EMP2: variants seen among roughly 807,000 people sequenced by gnomAD.
EMP2 encodes the protein epithelial membrane protein 2.
EMP2 carries 19 observed loss-of-function variants against 13.7 expected under a neutral mutation model. The observed-to-expected ratio is 1.38, with a 90% CI of 0.97 to 2.03. The LOEUF (loss-of-function observed/expected upper bound fraction) is 2.03, where lower values mean the gene tolerates loss of function less well. Ranked by LOEUF, EMP2 falls within the 30% of genes most tolerant of loss-of-function variation. The pLI is 0.00. For synonymous variants in EMP2, 97 were observed against 84.7 expected, an observed-to-expected ratio of 1.15 and a Z score of -0.80; for missense variants, 253 against 220.7, an observed-to-expected ratio of 1.15 and a Z score of -0.93.
In EMP2 at chr16:10,543,245, G is replaced by T. The variant is rs549514408; in HGVS notation, c.169+325C>A. ...GGCAAGGCTTGGATAAAAAAAGAAG[G>T]GAAGAGAAAATTCTAGATGAGAGCT... On this transcript the variant is annotated intron_variant, in intron 3 of 4. Transcript: ENST00000359543. Among the ~76,000 whole-genome samples, 42 of 152,338 alleles carry T rather than the reference G, an allele frequency of 2.8e-4. No individual in the cohort carries two copies. In the South Asian group the frequency reaches 3.5e-3, roughly 13 times the overall value.
chr16:10,580,411 C>T lies in EMP2; in HGVS notation c.-61+138G>A, dbSNP rs1596385894. The T allele has an allele frequency of 6.6e-6, 1 of 152,274 alleles. No homozygotes were observed. The highest frequency in any genetic ancestry group is 2.4e-5 in the African/African-American group (1 of 41,470). 9.4% of individuals were successfully genotyped at this position (152,274 alleles called of 1,614,324 possible). ...GTCGGCGGCATGGGTGGCACCTCGG[C>T]CCTCCCGTTACTGTCACCAATTCCG... On this transcript the variant is annotated intron_variant, in intron 1 of 4. Coordinates refer to ENST00000359543, the MANE Select transcript of EMP2 (RefSeq NM_001424.6). The surrounding 1 kb of genome is among the most constrained non-coding windows in gnomAD (Gnocchi z 4.3).
At chr16:10,539,686 C>T (rs1402949705) in intron 3 of EMP2, among the ~76,000 whole-genome samples, 2 of 151,904 alleles carry the variant, frequency 1.3e-5, no homozygotes, top group Middle Eastern at 3.2e-3. Flanking sequence ...AAGAAGCCTG[C>T]GTTTCCTTGT....
rs1567198706 is a variant in EMP2, at chr16:10,532,000, T to C, written c.*905A>G. ...CAGCTGTGGCGATGGAGGCCAAGGT[T>C]TTGGCCTGCTGTGGGGGTTGCATTC... On this transcript the variant is annotated 3_prime_UTR_variant, in exon 5 of 5. Coordinates refer to ENST00000359543, the MANE Select transcript of EMP2 (RefSeq NM_001424.6). 1 of 154,710 alleles carries C rather than the reference T, an allele frequency of 6.5e-6. No homozygotes were observed. Among genetic ancestry groups the C allele is most frequent in the Non-Finnish European group, 1.5e-5 (1 of 68,254 alleles). The allele number at this position is 154,710 out of a possible 1,614,324, so 9.6% of individuals were successfully genotyped here.
intron 1 of EMP2, among the ~76,000 whole-genome samples, chr16:10,567,640 C>G (rs1278896598): frequency 6.6e-6 from 1 of 152,172 alleles, no homozygotes; most frequent in Non-Finnish European, 1.5e-5. Context: ...GGATGGGACA[C>G]TGGTTCTCTA....
At chr16:10,562,955 G>A (rs936059489) in intron 1 of EMP2, among the ~76,000 whole-genome samples, 1 of 152,152 alleles carries the variant, frequency 6.6e-6, no homozygotes, top group Non-Finnish European at 1.5e-5. Flanking sequence ...CCACACTGCA[G>A]CCCAGAGAGG....
intron 3 of EMP2, among the ~76,000 whole-genome samples, chr16:10,539,248 C>T (rs1234849783): frequency 2.3e-5 from 3 of 129,446 alleles, no homozygotes; most frequent in Non-Finnish European, 5.5e-5. Flanking sequence ...TTTTCTTTTT[C>T]TTTCTGTCTT....
Position 10,529,444 on chromosome 16 carries a change from C to G in EMP2, c.*3461G>C, listed in dbSNP as rs773971722. The G allele has an allele frequency of 1.1e-4, 17 of 152,178 alleles. No homozygotes were observed. Among genetic ancestry groups the G allele is most frequent in the Non-Finnish European group, 2.5e-4 (17 of 68,042 alleles). The allele number at this position is 152,178 out of a possible 1,614,324, so 9.4% of individuals were successfully genotyped here. A position where few individuals can be genotyped will look rare whatever the true frequency, so the allele number is the denominator to read the frequency against. On this transcript the variant is annotated 3_prime_UTR_variant, in exon 5 of 5. Transcript: ENST00000359543. Reference sequence around the variant, plus strand: ...CATGTCTCAAAAAAGCTTAATGGCACAGGTGGATGTGGGCACTGAATGTTG... The same window carrying G: ...CATGTCTCAAAAAAGCTTAATGGCAGAGGTGGATGTGGGCACTGAATGTTG...
chr16:10,538,196 C>T lies in EMP2; in HGVS notation c.170-122G>A, dbSNP rs367708515. 132 of 1,216,090 alleles carry T rather than the reference C, an allele frequency of 1.1e-4. No individual in the cohort carries two copies. In the South Asian group the frequency reaches 1.3e-3, roughly 12 times the overall value. The allele number at this position is 1,216,090 out of a possible 1,614,324, so 75.3% of individuals were successfully genotyped here. A position where few individuals can be genotyped will look rare whatever the true frequency, so the allele number is the denominator to read the frequency against. On this transcript the variant is annotated intron_variant, in intron 3 of 4. Coordinates refer to ENST00000359543, the MANE Select transcript of EMP2 (RefSeq NM_001424.6). ...GGAGGCAAACAGGAAGGGGTTCAGGCGGTCGTCTACATGGTCTGAGCACAA... is the reference window on the plus strand; with the variant it reads ...GGAGGCAAACAGGAAGGGGTTCAGGTGGTCGTCTACATGGTCTGAGCACAA...
chr16:10,554,286 C>G (rs2050811112), intron 1 of EMP2, among the ~76,000 whole-genome samples: 1 of 152,184 alleles, frequency 6.6e-6, no homozygotes, highest in Non-Finnish European at 1.5e-5. Context: ...CCAGCCTTGG[C>G]CTCCCAGAGT....
In EMP2 at chr16:10,538,425, T is replaced by C. The variant is rs114045310; in HGVS notation, c.170-351A>G. 4.6e-3 allele frequency among the ~76,000 whole-genome samples: 699 copies of C among 152,248 alleles called. 11 individuals carry two copies. The highest frequency in any genetic ancestry group is 0.014 in the African/African-American group (597 of 41,534). On this transcript the variant is annotated intron_variant, in intron 3 of 4. Coordinates refer to ENST00000359543, the MANE Select transcript of EMP2 (RefSeq NM_001424.6). ...AACCTCAGGTTCCAACGTGGTAGAT[T>C]GTGACTCAAGAAATCAGGATGGGGC...
chr16:10,573,151 G>A (rs571649025), intron 1 of EMP2, among the ~76,000 whole-genome samples: 2 of 152,314 alleles, frequency 1.3e-5, no homozygotes, highest in East Asian at 3.9e-4. Context: ...CTGGACTCAA[G>A]CGATCCTCCC....
chr16:10,561,430 A>T (rs1178849848), intron 1 of EMP2, among the ~76,000 whole-genome samples: 1 of 152,172 alleles, frequency 6.6e-6, no homozygotes, highest in African/African-American at 2.4e-5. Flanking sequence ...GGGAGAAAGC[A>T]TTAAGGGAGA....
chr16:10,578,616 G>T (rs1431942225), intron 1 of EMP2, among the ~76,000 whole-genome samples: 1 of 152,174 alleles, frequency 6.6e-6, no homozygotes, highest in Non-Finnish European at 1.5e-5. Context: ...CTTCCGCCTG[G>T]CCCTGCCCTC....
intron 4 of EMP2, 34 bp downstream of exon 4, chr16:10,537,894 G>T: frequency 1.2e-6 from 2 of 1,606,538 alleles, no homozygotes; most frequent in Non-Finnish European, 1.7e-6. Context: ...ATTCCAGAAA[G>T]CCCCTTGTTA....
chr16:10,543,492 G>A lies in EMP2; in HGVS notation c.169+78C>T, dbSNP rs535180071. The A allele has an allele frequency of 5.7e-5, 86 of 1,513,368 alleles. 1 individual carries two copies. The highest frequency in any genetic ancestry group is 3.3e-4 in the South Asian group (29 of 88,424). The allele number at this position is 1,513,368 out of a possible 1,614,324, so 93.7% of individuals were successfully genotyped here. On this transcript the variant is annotated intron_variant, in intron 3 of 4. Coordinates refer to ENST00000359543, the MANE Select transcript of EMP2 (RefSeq NM_001424.6). The stretch of plus-strand genomic sequence containing the variant: ...TGAGTGGAGGAGAGGGTACGGAGTC[G>A]GGGAACCCGAAGCCTCACTCCTGAC...
intron 1 of EMP2, among the ~76,000 whole-genome samples, chr16:10,566,654 T>C (rs1446425289): frequency 3.9e-5 from 6 of 152,322 alleles, no homozygotes; most frequent in Non-Finnish European, 8.8e-5. Context: ...AGTTCTGTCT[T>C]CAGTGGTCTC....
In EMP2 at chr16:10,547,650, TC is replaced by T; in HGVS notation, c.-34del. 6.2e-7 allele frequency: 1 copy of T among 1,610,672 alleles called. No homozygotes were observed. Among genetic ancestry groups the T allele is most frequent in the Non-Finnish European group, 8.5e-7 (1 of 1,177,398 alleles). On this transcript the variant is annotated 5_prime_UTR_variant, in exon 2 of 5. Coordinates refer to ENST00000359543, the MANE Select transcript of EMP2 (RefSeq NM_001424.6). ...GGGCAGGGCGAGTCGAGGCGAGGGG[TC>T]ACGTTTAAAGCCCAGAGCGGGATGT...
At chr16:10,536,152 G>A (rs1337269947) in intron 4 of EMP2, among the ~76,000 whole-genome samples, 2 of 152,372 alleles carry the variant, frequency 1.3e-5, no homozygotes, top group Admixed American at 6.5e-5. Flanking sequence ...GCCCCAAGGG[G>A]AGGGGACGCT....
At chr16:10,579,936 C>A (rs981256197) in intron 1 of EMP2, among the ~76,000 whole-genome samples, 1 of 152,198 alleles carries the variant, frequency 6.6e-6, no homozygotes, top group African/African-American at 2.4e-5. Context: ...GCCTCTCCTA[C>A]CTCTGGAACA....
Sources: gnomAD v4.1 joint callset for allele counts (sites outside exome capture counted in the v4.1 genomes callset) on GRCh38, gnomAD v4.1.1 for gene constraint, Gnocchi (gnomAD v3.1) non-coding constraint, MANE v1.5 for transcripts, NCBI Gene and HGNC (gene_info 2026-07-23, HGNC 2026-07-21) for gene names.